CSMD1: variants seen among roughly 807,000 people sequenced by gnomAD.
CSMD1 encodes CUB and Sushi multiple domains 1.
In CSMD1, 213 loss-of-function variants were observed where a neutral mutation model predicts 417.5. The ratio of observed to expected loss-of-function variants is 0.51; its 90% CI spans 0.46 to 0.57. The LOEUF (loss-of-function observed/expected upper bound fraction) is 0.57. Ranked by LOEUF, CSMD1 falls within the 20% of genes least tolerant of loss-of-function variation. CSMD1 has a pLI of 0.00. For missense variants in CSMD1, 6,923 were observed against 4,529.7 expected (o/e 1.53, Z -15.17); for synonymous variants, 2,862 against 1,736.8 (o/e 1.65, Z -16.11).
intron 1 of CSMD1, among the ~76,000 whole-genome samples, chr8:4,679,861 C>A (rs143949838): frequency 0.011 from 1,703 of 152,008 alleles, 31 homozygotes; most frequent in South Asian, 0.047. Flanking sequence ...AAAATATATA[C>A]AATGCATAAT....
chr8:3,574,565 G>C (rs1471206076), intron 10 of CSMD1, among the ~76,000 whole-genome samples: 1 of 152,154 alleles, frequency 6.6e-6, no homozygotes, highest in Non-Finnish European at 1.5e-5. Flanking sequence ...GTATTTTTGT[G>C]TCTGAGTATA....
chr8:2,992,057 G>C (rs1027676732), intron 54 of CSMD1, among the ~76,000 whole-genome samples: 1 of 152,114 alleles, frequency 6.6e-6, no homozygotes, highest in Non-Finnish European at 1.5e-5. Context: ...TGTATGTATA[G>C]CAATTCTTTC....
At chr8:3,528,088 T>C (rs1438602848) in intron 10 of CSMD1, among the ~76,000 whole-genome samples, 1 of 152,158 alleles carries the variant, frequency 6.6e-6, no homozygotes, top group Non-Finnish European at 1.5e-5. Flanking sequence ...GAACCACTGA[T>C]ACAGGGGGAA....
At chr8:3,733,408 C>T (rs1165795688) in intron 6 of CSMD1, among the ~76,000 whole-genome samples, 2 of 147,618 alleles carry the variant, frequency 1.4e-5, no homozygotes, top group Non-Finnish European at 3.0e-5. Flanking sequence ...ATGATAGAAA[C>T]CTGTAAGAAT....
At chr8:4,546,045 A>G (rs574074127) in intron 2 of CSMD1, among the ~76,000 whole-genome samples, 271 of 152,158 alleles carry the variant, frequency 1.8e-3, no homozygotes, top group Middle Eastern at 6.8e-3. Context: ...GCTTCCCTCC[A>G]CTTACCACCT....
chr8:4,542,591 C>T (rs760134189), intron 2 of CSMD1, among the ~76,000 whole-genome samples: 19 of 152,072 alleles, frequency 1.2e-4, no homozygotes, highest in Non-Finnish European at 1.9e-4. Context: ...TTATTGCTAA[C>T]GCAATTTTTT....
At chr8:3,429,847 C>T (rs1268940589) in intron 12 of CSMD1, among the ~76,000 whole-genome samples, 1 of 152,168 alleles carries the variant, frequency 6.6e-6, no homozygotes, top group Non-Finnish European at 1.5e-5. Context: ...AATACATCCA[C>T]AGCAACAGCC....
intron 3 of CSMD1, among the ~76,000 whole-genome samples, chr8:4,218,484 G>A (rs73496602): frequency 2.5e-3 from 375 of 152,216 alleles, no homozygotes; most frequent in African/African-American, 8.5e-3. Flanking sequence ...TCCACTTGCT[G>A]TATGATCTTT....
At chr8:4,235,060 T>C (rs1801963719) in intron 3 of CSMD1, among the ~76,000 whole-genome samples, 1 of 152,166 alleles carries the variant, frequency 6.6e-6, no homozygotes, top group South Asian at 2.1e-4. Context: ...GGGGACGCAT[T>C]CCATCCATAG....
At chr8:3,331,559 C>T (rs560350769) in intron 23 of CSMD1, among the ~76,000 whole-genome samples, 10 of 152,262 alleles carry the variant, frequency 6.6e-5, no homozygotes, top group Non-Finnish European at 1.3e-4. Context: ...TGTCTTTAAA[C>T]TGAAAATAAC....
chr8:3,627,024 G>C (rs1227807431), intron 7 of CSMD1, among the ~76,000 whole-genome samples: 1 of 152,006 alleles, frequency 6.6e-6, no homozygotes, highest in African/African-American at 2.4e-5. Context: ...TATTTCCTCA[G>C]GAGTTTAGGC....
chr8:3,782,477 T>TA (rs1391771912), intron 5 of CSMD1, among the ~76,000 whole-genome samples: 1 of 152,128 alleles, frequency 6.6e-6, no homozygotes, highest in African/African-American at 2.4e-5. Flanking sequence ...ATAGATAATC[T>TA]AATAAAATCA....
chr8:3,408,018 A>G lies in CSMD1; in HGVS notation c.1952T>C (p.Leu651Pro). The G allele has an allele frequency of 8.7e-6, 14 of 1,613,998 alleles. No homozygotes were observed. Among genetic ancestry groups the G allele is most frequent in the Non-Finnish European group, 1.2e-5 (14 of 1,179,890 alleles). ...KDDGISDITVLGTFSGNEVPS... is the reference protein window; with the variant it reads ...KDDGISDITVPGTFSGNEVPS... The stretch of plus-strand genomic sequence containing the variant: ...CACTTCATTGCCAGAAAAAGTACCC[A>G]GGACAGTTATGTCAGAAATGCCATC... Residue 651 changes from leucine (L) to proline (P), a missense_variant, in exon 14 of 70, where the codon CTG becomes CCG. Physicochemically the swap from Leu to Pro is moderately conservative, Grantham distance 98. Coordinates refer to ENST00000635120, the MANE Select transcript of CSMD1 (RefSeq NM_033225.6).
At chr8:4,720,131 T>C (rs1335150592) in intron 1 of CSMD1, among the ~76,000 whole-genome samples, 1 of 151,106 alleles carries the variant, frequency 6.6e-6, no homozygotes, top group Non-Finnish European at 1.5e-5. Context: ...AGTTTTTGTA[T>C]TTTTGCTTCA....
At chr8:4,031,497 C>T (rs1205905705) in intron 4 of CSMD1, among the ~76,000 whole-genome samples, 1 of 152,120 alleles carries the variant, frequency 6.6e-6, no homozygotes, top group Non-Finnish European at 1.5e-5. Flanking sequence ...GATTCAATTA[C>T]CTTCTACCAG....
At chr8:3,695,530 T>C (rs899630879) in intron 7 of CSMD1, among the ~76,000 whole-genome samples, 1 of 152,168 alleles carries the variant, frequency 6.6e-6, no homozygotes, top group African/African-American at 2.4e-5. Context: ...AGAACAATAA[T>C]ATAATATTTG....
chr8:4,055,008 G>C (rs1420587419), intron 3 of CSMD1, among the ~76,000 whole-genome samples: 5 of 152,158 alleles, frequency 3.3e-5, no homozygotes, highest in East Asian at 1.9e-4. Flanking sequence ...ATATAAATGT[G>C]TGTGAAGAAG....
chr8:4,652,709 G>A lies in CSMD1; in HGVS notation c.86-15151C>T, dbSNP rs566753599. Among the ~76,000 whole-genome samples, 34 of 152,170 alleles carry A rather than the reference G, an allele frequency of 2.2e-4. 1 individual carries two copies. In the South Asian group the frequency reaches 3.9e-3, roughly 18 times the overall value. On this transcript the variant is annotated intron_variant, in intron 1 of 69. Coordinates refer to ENST00000635120, the MANE Select transcript of CSMD1 (RefSeq NM_033225.6). ...TTCAGCCATCAGGGCAATCCCAAGCGCAGTGACAAGCTCTAGAGCAGCAGT... is the reference window on the plus strand; with the variant it reads ...TTCAGCCATCAGGGCAATCCCAAGCACAGTGACAAGCTCTAGAGCAGCAGT...
intron 1 of CSMD1, among the ~76,000 whole-genome samples, chr8:4,806,427 T>A (rs1457634790): frequency 6.6e-6 from 1 of 150,768 alleles, no homozygotes; most frequent in African/African-American, 2.4e-5. Flanking sequence ...GTCCCCTGGA[T>A]GATGTTAGTG....
Sources: allele counts gnomAD v4.1 joint callset (sites outside exome capture counted in the v4.1 genomes callset), GRCh38; gene constraint gnomAD v4.1.1; transcripts MANE v1.5; gene names NCBI Gene and HGNC (gene_info 2026-07-23, HGNC 2026-07-21).